Variants in SLC9A9 observed in about 807,000 individuals in gnomAD.
SLC9A9 encodes the protein solute carrier family 9 member A9.
In SLC9A9, 62 loss-of-function variants were observed where a neutral mutation model predicts 77.8. That is an observed-to-expected ratio of 0.80 (90% CI 0.65 to 0.98). SLC9A9 has a LOEUF of 0.98. Among genes scored for constraint, SLC9A9 ranks in the 50% least tolerant of loss-of-function variants. The pLI is 0.00. For missense variants in SLC9A9, 775 were observed against 774.9 expected (o/e 1.00, Z 0.00); for synonymous variants, 320 against 283.5 (o/e 1.13, Z -1.29).
At chr3:143,708,432 G>T (rs556415634) in intron 4 of SLC9A9, among the ~76,000 whole-genome samples, 81 of 152,078 alleles carry the variant, frequency 5.3e-4, no homozygotes, top group Non-Finnish European at 1.1e-3. Flanking sequence ...CACCATCCTG[G>T]GATGTGTGAA....
intron 2 of SLC9A9, among the ~76,000 whole-genome samples, chr3:143,817,484 T>G (rs2009052385): frequency 6.6e-6 from 1 of 152,230 alleles, no homozygotes; most frequent in Non-Finnish European, 1.5e-5. Context: ...TTATTCCATT[T>G]TTATATTATT....
chr3:143,811,534 C>T (rs752855139), intron 2 of SLC9A9, among the ~76,000 whole-genome samples: 22 of 151,984 alleles, frequency 1.4e-4, no homozygotes, highest in Non-Finnish European at 2.8e-4. Context: ...CTGCTTGGTA[C>T]CCAGCCCTAT....
chr3:143,691,168 C>T (rs1041998974), intron 5 of SLC9A9, among the ~76,000 whole-genome samples: 1 of 152,152 alleles, frequency 6.6e-6, no homozygotes, highest in Non-Finnish European at 1.5e-5. Flanking sequence ...ATCCTCCCAC[C>T]TCAGCCTCCC....
chr3:143,414,952 A>AT (rs2034165165), intron 12 of SLC9A9, among the ~76,000 whole-genome samples: 2 of 152,174 alleles, frequency 1.3e-5, no homozygotes, highest in Non-Finnish European at 2.9e-5. Context: ...TAAAGATGCT[A>AT]CTCCTGGGAA....
At chr3:143,767,568 A>C (rs1379725640) in intron 4 of SLC9A9, among the ~76,000 whole-genome samples, 1 of 152,158 alleles carries the variant, frequency 6.6e-6, no homozygotes, top group Non-Finnish European at 1.5e-5. Context: ...ACACCTATTG[A>C]AAAGAACACC....
chr3:143,816,475 TA>T (rs1412345382), intron 2 of SLC9A9, among the ~76,000 whole-genome samples: 1 of 152,262 alleles, frequency 6.6e-6, no homozygotes, highest in East Asian at 1.9e-4. Context: ...ACATTCAACA[TA>T]GTTTTTGAGA....
At chr3:143,683,215 A>C (rs1325878449) in intron 5 of SLC9A9, among the ~76,000 whole-genome samples, 1 of 152,136 alleles carries the variant, frequency 6.6e-6, no homozygotes, top group Non-Finnish European at 1.5e-5. Context: ...TGATTGTGTG[A>C]CTTCTAATAT....
intron 4 of SLC9A9, among the ~76,000 whole-genome samples, chr3:143,699,331 CA>C (rs79999345): frequency 0.56 from 85,522 of 151,428 alleles, 24,484 homozygotes; most frequent in South Asian, 0.72. Context: ...ACTATCTACA[CA>C]AAAAAAAAGC....
At chr3:143,464,633 T>C (rs573450408) in intron 12 of SLC9A9, among the ~76,000 whole-genome samples, 21 of 152,194 alleles carry the variant, frequency 1.4e-4, no homozygotes, top group African/African-American at 4.8e-4. Flanking sequence ...CCACTAGCGG[T>C]AGGAAGTCTA....
At chr3:143,805,417 T>C (rs545340549) in intron 2 of SLC9A9, among the ~76,000 whole-genome samples, 18 of 152,248 alleles carry the variant, frequency 1.2e-4, no homozygotes, top group African/African-American at 4.1e-4. Flanking sequence ...AAATTTTTGC[T>C]GCCCCAACAC....
chr3:143,686,950 C>A (rs1933291648), intron 5 of SLC9A9, among the ~76,000 whole-genome samples: 1 of 152,072 alleles, frequency 6.6e-6, no homozygotes, highest in African/African-American at 2.4e-5. Context: ...ATTCATTGAG[C>A]CCTCTGTGTA....
At chr3:143,355,366 T>G (rs4839623) in intron 14 of SLC9A9, among the ~76,000 whole-genome samples, 3 of 152,160 alleles carry the variant, frequency 2.0e-5, no homozygotes, top group Non-Finnish European at 2.9e-5. Context: ...TAATAATACA[T>G]GTAATGAGCA....
intron 2 of SLC9A9, among the ~76,000 whole-genome samples, chr3:143,799,079 C>G (rs1441667901): frequency 1.3e-5 from 2 of 152,146 alleles, no homozygotes; most frequent in African/African-American, 2.4e-5. Context: ...GCAATTTCCT[C>G]TTAAAAAGGT....
intron 2 of SLC9A9, among the ~76,000 whole-genome samples, chr3:143,827,579 T>C (rs2009331865): frequency 6.6e-6 from 1 of 152,182 alleles, no homozygotes; most frequent in South Asian, 2.1e-4. Flanking sequence ...TATACCTTCT[T>C]ATTGGAAGGA....
chr3:143,693,327 G>A lies in SLC9A9; in HGVS notation c.534-20C>T. Reference sequence around the variant, plus strand: ...ATTAACCTGTTGAAGAGAAAAACATGACCTTCAAACATCAAGATGAACCCT... The same window carrying A: ...ATTAACCTGTTGAAGAGAAAAACATAACCTTCAAACATCAAGATGAACCCT... On this transcript the variant is annotated intron_variant, in intron 4 of 15. Transcript: ENST00000316549. The A allele has an allele frequency of 6.4e-7, 1 of 1,566,636 alleles. No individual in the cohort carries two copies. The highest frequency in any genetic ancestry group is 8.8e-7 in the Non-Finnish European group (1 of 1,137,204).
At chr3:143,698,085 G>A (rs1280354148) in intron 4 of SLC9A9, 1 of 152,356 alleles carries the variant, frequency 6.6e-6, no homozygotes, top group Non-Finnish European at 1.5e-5. Flanking sequence ...CTCACAGAGT[G>A]GTATATTCTT....
intron 1 of SLC9A9, among the ~76,000 whole-genome samples, chr3:143,832,661 G>T (rs1022756731): frequency 4.0e-5 from 6 of 151,662 alleles, no homozygotes; most frequent in African/African-American, 1.5e-4. Flanking sequence ...CATGGTTGGG[G>T]TGAGAGGTGT....
chr3:143,267,863 C>T (rs1203539477), intron 15 of SLC9A9, among the ~76,000 whole-genome samples: 4 of 152,214 alleles, frequency 2.6e-5, no homozygotes, highest in Non-Finnish European at 5.9e-5. Context: ...CCATACTAAA[C>T]TACTTGTAGA....
At chr3:143,771,898 C>G (rs535681503) in intron 4 of SLC9A9, among the ~76,000 whole-genome samples, 1 of 152,210 alleles carries the variant, frequency 6.6e-6, no homozygotes, top group African/African-American at 2.4e-5. Flanking sequence ...AAGAAGAAGT[C>G]CCCTTTCCAG....
Sources: gnomAD v4.1 joint callset for allele counts (sites outside exome capture counted in the v4.1 genomes callset) on GRCh38, gnomAD v4.1.1 for gene constraint, MANE v1.5 for transcripts, NCBI Gene and HGNC (gene_info 2026-07-23, HGNC 2026-07-21) for gene names.